Variants in PRKCE observed in about 807,000 individuals in gnomAD.
The protein encoded by PRKCE is protein kinase C epsilon type.
In PRKCE, 16 loss-of-function variants were observed where a neutral mutation model predicts 85.4. That is an observed-to-expected ratio of 0.19 (90% CI 0.13 to 0.28). The LOEUF (loss-of-function observed/expected upper bound fraction) is 0.28, where lower values mean the gene tolerates loss of function less well. PRKCE is among the 10% of genes least tolerant of loss of function. The pLI, the probability that PRKCE is intolerant of heterozygous loss-of-function variation, is 1.00. For missense variants in PRKCE, 573 were observed against 975.2 expected (o/e 0.59, Z 5.49); for synonymous variants, 388 against 371.5 (o/e 1.04, Z -0.51).
intron 1 of PRKCE, among the ~76,000 whole-genome samples, chr2:45,797,488 C>T (rs1687536277): frequency 6.6e-6 from 1 of 152,206 alleles, no homozygotes; most frequent in Non-Finnish European, 1.5e-5. Context: ...TGGGGAGCCA[C>T]ATCTTATGTT....
chr2:45,737,270 C>T (rs1427297398), intron 1 of PRKCE, among the ~76,000 whole-genome samples: 1 of 152,228 alleles, frequency 6.6e-6, no homozygotes, highest in Non-Finnish European at 1.5e-5. Flanking sequence ...CGTCTTGGCT[C>T]ACTTACAGAT....
At chr2:45,867,200 G>C (rs955703674) in intron 2 of PRKCE, among the ~76,000 whole-genome samples, 5 of 152,162 alleles carry the variant, frequency 3.3e-5, no homozygotes, top group African/African-American at 1.2e-4. Context: ...AAAGGCATTG[G>C]AAAGTGTCAA....
intron 1 of PRKCE, among the ~76,000 whole-genome samples, chr2:45,706,792 G>A (rs1679151390): frequency 6.6e-6 from 1 of 152,194 alleles, no homozygotes; most frequent in African/African-American, 2.4e-5. Flanking sequence ...CATGGTAAGA[G>A]ATTTGATCAT....
At chr2:46,039,693 C>T (rs1320129391) in intron 10 of PRKCE, among the ~76,000 whole-genome samples, 1 of 152,178 alleles carries the variant, frequency 6.6e-6, no homozygotes, top group African/African-American at 2.4e-5. Context: ...CTAATGTCCT[C>T]TAAAGTGTTT....
intron 11 of PRKCE, among the ~76,000 whole-genome samples, chr2:46,130,364 T>C (rs1674303334): frequency 6.6e-6 from 1 of 151,958 alleles, no homozygotes; most frequent in Non-Finnish European, 1.5e-5. Flanking sequence ...ACATACTTTG[T>C]TATACATTAT....
At chr2:46,035,077 C>G (rs1461453789) in intron 10 of PRKCE, among the ~76,000 whole-genome samples, 1 of 152,244 alleles carries the variant, frequency 6.6e-6, no homozygotes, top group East Asian at 1.9e-4. Context: ...TCTCACCCTT[C>G]CTCTTCCTTC....
At chr2:45,884,975 A>G (rs1475091278) in intron 2 of PRKCE, among the ~76,000 whole-genome samples, 1 of 62,536 alleles carries the variant, frequency 1.6e-5, no homozygotes, top group Non-Finnish European at 3.5e-5. Flanking sequence ...ATATATATAT[A>G]TATATATATA....
At chr2:45,678,876 AT>A (rs1363701802) in intron 1 of PRKCE, among the ~76,000 whole-genome samples, 5 of 152,206 alleles carry the variant, frequency 3.3e-5, no homozygotes, top group African/African-American at 1.2e-4. Flanking sequence ...TTTCCATTCC[AT>A]TAACTTCTAC....
chr2:46,109,605 A>G lies in PRKCE; in HGVS notation c.1592+23243A>G, dbSNP rs576104959. Among the ~76,000 whole-genome samples, 7 of 152,194 alleles carry G rather than the reference A, an allele frequency of 4.6e-5. No homozygotes were observed. The South Asian group carries it at 1.4e-3, about 32-fold the overall frequency. On this transcript the variant is annotated intron_variant, in intron 11 of 14. Coordinates refer to ENST00000306156, the MANE Select transcript of PRKCE (RefSeq NM_005400.3). ...TATTAATTACAGGAGTTTTTTGTCG[A>G]TGATTTTGGATTTTCTACATAGACA...
chr2:45,938,881 C>T (rs1206630875), intron 2 of PRKCE, among the ~76,000 whole-genome samples: 3 of 152,166 alleles, frequency 2.0e-5, no homozygotes, highest in Admixed American at 2.0e-4. Context: ...GGTGTTCTCA[C>T]CCAGTTACAC....
At chr2:46,174,516 A>T (rs1043536504) in intron 14 of PRKCE, among the ~76,000 whole-genome samples, 2 of 151,986 alleles carry the variant, frequency 1.3e-5, no homozygotes, top group African/African-American at 4.8e-5. Flanking sequence ...AAGACCTGGG[A>T]CCCCTGGGTC....
chr2:46,080,972 T>TACACACACACAC (rs112421012), intron 10 of PRKCE, among the ~76,000 whole-genome samples: 3,084 of 147,646 alleles, frequency 0.021, 68 homozygotes, highest in African/African-American at 0.056. Flanking sequence ...CAGTTATGCA[T>TACACACACACAC]ACACACACAC....
chr2:46,081,724 G>A (rs914089429), intron 10 of PRKCE, among the ~76,000 whole-genome samples: 1 of 152,220 alleles, frequency 6.6e-6, no homozygotes, highest in Non-Finnish European at 1.5e-5. Flanking sequence ...GGAGAAGACT[G>A]AGAAGATCAC....
At chr2:45,999,725 T>G (rs541807295) in intron 6 of PRKCE, among the ~76,000 whole-genome samples, 16 of 152,304 alleles carry the variant, frequency 1.1e-4, no homozygotes, top group South Asian at 2.1e-4. Context: ...TTTCTTCTCG[T>G]AGTGGTAGTC....
rs1346880609 is a variant in PRKCE at position 46,114,473 on chromosome 2, AG to A, written c.1592+28112del. Among the ~76,000 whole-genome samples, 3 of 114,818 alleles carry A rather than the reference AG, an allele frequency of 2.6e-5. No individual in the cohort carries two copies. In the East Asian group the frequency reaches 8.9e-4, roughly 34 times the overall value. The allele number at this position is 114,818 out of a possible 152,430, so 75.3% of individuals were successfully genotyped here. On this transcript the variant is annotated intron_variant, in intron 11 of 14. Coordinates refer to ENST00000306156, the MANE Select transcript of PRKCE (RefSeq NM_005400.3). ...TGCTCTGTCGCCCAGCCTGGAGTGCAGTGGCACAATGTCAGCTCACTGCAAG... is the reference window on the plus strand; with the variant it reads ...TGCTCTGTCGCCCAGCCTGGAGTGCATGGCACAATGTCAGCTCACTGCAAG...
rs150223082 is a variant in PRKCE, at chr2:46,161,890, C to T, written c.2067+2138C>T. On this transcript the variant is annotated intron_variant, in intron 14 of 14. Transcript: ENST00000306156. ...GACTTTGAGCCAATGAAAGTGCAGG[C>T]CTTCTGAGAGGCATCCCTCTTTGAG... Among the ~76,000 whole-genome samples, 4 of 152,142 alleles carry T rather than the reference C, an allele frequency of 2.6e-5. No individual in the cohort carries two copies. The East Asian group carries it at 7.8e-4, about 29-fold the overall frequency.
chr2:45,658,757 A>C (rs1268443532), intron 1 of PRKCE, among the ~76,000 whole-genome samples: 1 of 152,250 alleles, frequency 6.6e-6, no homozygotes, highest in African/African-American at 2.4e-5. Context: ...AAATCAGAAC[A>C]TATGGTCCAG....
In PRKCE at chr2:45,925,413, C is replaced by T. The variant is rs574152185; in HGVS notation, c.413-51016C>T. ...CCAGATTCAAGCGATTCTCCTGCCT[C>T]AGCCTCCCGAGTAGCTGGGATTACA... is the stretch of plus-strand genomic sequence containing the variant. On this transcript the variant is annotated intron_variant, in intron 2 of 14. Coordinates refer to ENST00000306156, the MANE Select transcript of PRKCE (RefSeq NM_005400.3). Among the ~76,000 whole-genome samples the T allele has an allele frequency of 2.6e-5, 4 of 152,284 alleles. No individual in the cohort carries two copies. The South Asian group carries it at 8.3e-4, about 32-fold the overall frequency.
chr2:45,652,480 AC>A lies in PRKCE; in HGVS notation c.348+35del. ...GCGGCGCCTCCCCGTCATTCCGGGA[AC>A]CCGGTTGTGGGGTCCCGGGGAAAGA... is the stretch of plus-strand genomic sequence containing the variant. On this transcript the variant is annotated intron_variant, in intron 1 of 14. Transcript: ENST00000306156. This position sits in a 1 kb window ranked among gnomAD's most constrained non-coding sequence, Gnocchi z 7.7. The A allele has an allele frequency of 6.4e-7, 1 of 1,558,628 alleles. No homozygotes were observed. Among genetic ancestry groups the A allele is most frequent in the Non-Finnish European group, 8.7e-7 (1 of 1,150,842 alleles).
Sources: gnomAD v4.1 joint callset for allele counts (sites outside exome capture counted in the v4.1 genomes callset) on GRCh38, gnomAD v4.1.1 for gene constraint, Gnocchi (gnomAD v3.1) non-coding constraint, MANE v1.5 for transcripts, NCBI Gene and HGNC (gene_info 2026-07-23, HGNC 2026-07-21) for gene names.